Variants in PRKN observed in about 807,000 individuals in gnomAD.
PRKN encodes the protein E3 ubiquitin-protein ligase parkin.
In PRKN, 56 loss-of-function variants were observed where a neutral mutation model predicts 59.5. The observed-to-expected ratio is 0.94, with a 90% CI of 0.76 to 1.18. The LOEUF (loss-of-function observed/expected upper bound fraction) is 1.18, where lower values mean the gene tolerates loss of function less well. PRKN is among the 50% of genes most tolerant of loss of function. The pLI, the probability that PRKN is intolerant of heterozygous loss-of-function variation, is 0.00. For synonymous variants in PRKN, 250 were observed against 222.1 expected, an observed-to-expected ratio of 1.13 and a Z score of -1.12; for missense variants, 657 against 596.4, an observed-to-expected ratio of 1.10 and a Z score of -1.06.
rs559881235 is a variant in PRKN, at chr6:162,151,337, C to T, written c.534+49794G>A. The stretch of plus-strand genomic sequence containing the variant: ...CCTCCACCATTCCCAAGGGCACCTT[C>T]TTAGAAAATGAAATTTCATGCTCAG... On this transcript the variant is annotated intron_variant, in intron 4 of 11. Coordinates refer to ENST00000366898, the MANE Select transcript of PRKN (RefSeq NM_004562.3). Among the ~76,000 whole-genome samples the T allele has an allele frequency of 3.3e-5, 5 of 152,290 alleles. No individual in the cohort carries two copies. In the South Asian group the frequency reaches 1.0e-3, roughly 32 times the overall value.
chr6:162,492,958 A>C (rs79425097), intron 1 of PRKN, among the ~76,000 whole-genome samples: 4 of 7,524 alleles, frequency 5.3e-4, no homozygotes, highest in East Asian at 4.8e-3. Flanking sequence ...GTCTCAAACA[A>C]AAAAAAAAAA....
At chr6:162,371,802 A>G (rs910868061) in intron 2 of PRKN, among the ~76,000 whole-genome samples, 1 of 152,098 alleles carries the variant, frequency 6.6e-6, no homozygotes, top group Non-Finnish European at 1.5e-5. Context: ...GCAGCATGTT[A>G]TTATGTTTCT....
intron 1 of PRKN, among the ~76,000 whole-genome samples, chr6:162,550,994 T>C (rs1049016677): frequency 6.6e-6 from 1 of 152,196 alleles, no homozygotes; most frequent in Non-Finnish European, 1.5e-5. Context: ...AGAGAATGTA[T>C]GTATGACTAA....
rs962123336 is a variant in PRKN at position 161,566,775 on chromosome 6, C to T, written c.933+2580G>A. Among the ~76,000 whole-genome samples, 1 of 152,076 alleles carries T rather than the reference C, an allele frequency of 6.6e-6. No individual in the cohort carries two copies. Among genetic ancestry groups the T allele is most frequent in the East Asian group, 1.9e-4 (1 of 5,160 alleles). On this transcript the variant is annotated intron_variant, in intron 8 of 11. Transcript: ENST00000366898. The surrounding 1 kb of genome is among the most constrained non-coding windows in gnomAD (Gnocchi z 4.1). ...TCCTTCCTCTTTGTTTTGCTCTGTCCTCCTCCCCTCCCCTCCACCAGTCAC... is the reference window on the plus strand; with the variant it reads ...TCCTTCCTCTTTGTTTTGCTCTGTCTTCCTCCCCTCCCCTCCACCAGTCAC...
At chr6:162,625,712 GTATA>G (rs138488212) in intron 1 of PRKN, among the ~76,000 whole-genome samples, 69 of 151,246 alleles carry the variant, frequency 4.6e-4, no homozygotes, top group Non-Finnish European at 7.7e-4. Flanking sequence ...GTGTGTGTGT[GTATA>G]TATATATAAA....
intron 1 of PRKN, among the ~76,000 whole-genome samples, chr6:162,497,593 C>T (rs917966270): frequency 6.6e-6 from 1 of 152,208 alleles, no homozygotes; most frequent in African/African-American, 2.4e-5. Flanking sequence ...CAGAGCAGCT[C>T]ATTTTGTGCA....
intron 1 of PRKN, among the ~76,000 whole-genome samples, chr6:162,532,765 G>A (rs73591863): frequency 0.024 from 3,696 of 152,272 alleles, 166 homozygotes; most frequent in African/African-American, 0.083. Flanking sequence ...AAGCAAAACT[G>A]AGTATGGTGT....
intron 1 of PRKN, among the ~76,000 whole-genome samples, chr6:162,509,957 T>C (rs2128190078): frequency 6.6e-6 from 1 of 152,258 alleles, no homozygotes; most frequent in South Asian, 2.1e-4. Context: ...ATTTGGCATG[T>C]CATTCTTTTA....
intron 9 of PRKN, among the ~76,000 whole-genome samples, chr6:161,521,947 T>C (rs1778841684): frequency 6.6e-6 from 1 of 152,196 alleles, no homozygotes; most frequent in African/African-American, 2.4e-5. Context: ...AGACATGTAA[T>C]CCATCAGAAC....
At position 161,460,422 on chromosome 6, in the gene PRKN, T is replaced by C. The variant is rs1375653256; in HGVS notation, c.1084-73545A>G. ...AGGATCTCTGGAATATAATGGGCTA[T>C]ACTTGGCATTGGAGTCATTTAGAAG... On this transcript the variant is annotated intron_variant, in intron 9 of 11. Transcript: ENST00000366898. This position sits in a 1 kb window ranked among gnomAD's most constrained non-coding sequence, Gnocchi z 5.0. Among the ~76,000 whole-genome samples, 1 of 152,160 alleles carries C rather than the reference T, an allele frequency of 6.6e-6. No homozygotes were observed. The highest frequency in any genetic ancestry group is 2.4e-5 in the African/African-American group (1 of 41,424).
At chr6:162,352,974 TG>T (rs1341795162) in intron 2 of PRKN, among the ~76,000 whole-genome samples, 1 of 152,208 alleles carries the variant, frequency 6.6e-6, no homozygotes, top group Non-Finnish European at 1.5e-5. Context: ...TATTTCCTAA[TG>T]AGTAAACAGA....
At chr6:161,732,499 G>T (rs992310167) in intron 7 of PRKN, among the ~76,000 whole-genome samples, 6 of 151,468 alleles carry the variant, frequency 4.0e-5, no homozygotes, top group Non-Finnish European at 8.8e-5. Context: ...GTGTGTGTGT[G>T]TGTGGAGATA....
chr6:162,472,602 C>T (rs1425890726), intron 1 of PRKN, among the ~76,000 whole-genome samples: 3 of 129,814 alleles, frequency 2.3e-5, no homozygotes, highest in African/African-American at 8.3e-5. Context: ...ATTCTCCTGC[C>T]TCAGCCTCCC....
chr6:162,062,568 T>C (rs1449244122), intron 4 of PRKN, among the ~76,000 whole-genome samples: 1 of 152,140 alleles, frequency 6.6e-6, no homozygotes, highest in Admixed American at 6.5e-5. Context: ...CCAATATGAC[T>C]GATGTCCTTA....
chr6:162,189,579 A>G (rs1281909365), intron 4 of PRKN, among the ~76,000 whole-genome samples: 1 of 151,752 alleles, frequency 6.6e-6, no homozygotes, highest in Non-Finnish European at 1.5e-5. Context: ...GGCAGGCACT[A>G]TGCTAAGCAC....
chr6:162,535,676 A>T (rs2128198171), intron 1 of PRKN, among the ~76,000 whole-genome samples: 1 of 152,182 alleles, frequency 6.6e-6, no homozygotes, highest in African/African-American at 2.4e-5. Flanking sequence ...TGGGAGGCCG[A>T]GGTGGGCAGA....
intron 2 of PRKN, among the ~76,000 whole-genome samples, chr6:162,293,529 G>C (rs576763437): frequency 6.6e-6 from 1 of 152,320 alleles, no homozygotes; most frequent in South Asian, 2.1e-4. Flanking sequence ...GTGAGTGGGA[G>C]ATCACCGCCC....
chr6:162,117,822 T>C (rs918668532), intron 4 of PRKN, among the ~76,000 whole-genome samples: 1 of 152,166 alleles, frequency 6.6e-6, no homozygotes, highest in Non-Finnish European at 1.5e-5. Context: ...TTTGGGCCGA[T>C]GTGGTGGCTC....
chr6:162,569,375 A>G (rs1291914837), intron 1 of PRKN: 1 of 652,358 alleles, frequency 1.5e-6, no homozygotes, highest in East Asian at 3.1e-5. Flanking sequence ...CATGCAGGAC[A>G]TGGCGTGGCA....
Sources: gnomAD v4.1 joint callset for allele counts (sites outside exome capture counted in the v4.1 genomes callset) on GRCh38, gnomAD v4.1.1 for gene constraint, Gnocchi (gnomAD v3.1) non-coding constraint, MANE v1.5 for transcripts, NCBI Gene and HGNC (gene_info 2026-07-23, HGNC 2026-07-21) for gene names.